Variants in MAF observed in about 807,000 individuals in gnomAD.
MAF encodes transcription factor Maf.
In MAF, 10 loss-of-function variants were observed where a neutral mutation model predicts 22.0. The observed-to-expected ratio is 0.45, with a 90% confidence interval of 0.28 to 0.77. The LOEUF is 0.77. Among genes scored for constraint, MAF ranks in the 30% least tolerant of loss-of-function variants. The probability of loss-of-function intolerance (pLI) is 0.12; values close to 1 mark genes in which losing one functional copy is unlikely to be tolerated. For synonymous variants in MAF, 337 were observed against 255.8 expected, an observed-to-expected ratio of 1.32 and a Z score of -3.03; for missense variants, 544 against 548.4, an observed-to-expected ratio of 0.99 and a Z score of 0.08.
chr16:79,576,698 T>A, the MAF span, among the ~76,000 whole-genome samples: 1 of 152,308 alleles, frequency 6.6e-6, no homozygotes, highest in Non-Finnish European at 1.5e-5. Flanking sequence ...TTGCAAGGTG[T>A]CAAGGTCAAA....
chr16:79,366,723 T>C, the MAF span, among the ~76,000 whole-genome samples: 3 of 152,352 alleles, frequency 2.0e-5, no homozygotes, highest in Non-Finnish European at 4.4e-5. Flanking sequence ...TCTCCATCAG[T>C]CTGGGTTCTG....
the MAF span, among the ~76,000 whole-genome samples, chr16:79,266,808 G>A: frequency 6.6e-6 from 1 of 152,300 alleles, no homozygotes; most frequent in African/African-American, 2.4e-5. Flanking sequence ...CACCGAACAT[G>A]ATCCTGCTGC....
the MAF span, among the ~76,000 whole-genome samples, chr16:79,455,177 C>T: frequency 6.6e-6 from 1 of 151,736 alleles, no homozygotes; most frequent in East Asian, 1.9e-4. Context: ...GTCAACTCAA[C>T]AACATTTCCT....
the MAF span, among the ~76,000 whole-genome samples, chr16:79,289,612 C>A: frequency 3.9e-5 from 6 of 152,120 alleles, no homozygotes; most frequent in Non-Finnish European, 8.8e-5. Context: ...TCAGACAAGA[C>A]CTTCCACTGT....
intron 1 of MAF, 35 bp downstream of exon 1, chr16:79,598,750 C>T: frequency 6.2e-7 from 1 of 1,613,508 alleles, no homozygotes; most frequent in Non-Finnish European, 8.5e-7. Context: ...GAGCACTTAT[C>T]AGGGTGGCTA....
At chr16:79,417,571 C>A in the MAF span, among the ~76,000 whole-genome samples, 1 of 152,060 alleles carries the variant, frequency 6.6e-6, no homozygotes, top group South Asian at 2.1e-4. Context: ...AGGGGACAGA[C>A]AACCGAAGGA....
At chr16:79,418,797 C>T in the MAF span, among the ~76,000 whole-genome samples, 4 of 152,092 alleles carry the variant, frequency 2.6e-5, no homozygotes, top group African/African-American at 9.7e-5. Context: ...TATCTCATAT[C>T]AGGAGCAAAT....
chr16:79,584,210 G>A (rs1912702593), downstream of MAF, among the ~76,000 whole-genome samples: 1 of 152,124 alleles, frequency 6.6e-6, no homozygotes, highest in African/African-American at 2.4e-5. Context: ...AGCTGTACAT[G>A]GTTGAAATTA....
the MAF span, among the ~76,000 whole-genome samples, chr16:79,527,620 G>A: frequency 6.6e-6 from 1 of 152,028 alleles, no homozygotes; most frequent in African/African-American, 2.4e-5. Context: ...CAATCATTAA[G>A]GTGATGATAC....
At chr16:79,217,105 C>A in the MAF span, among the ~76,000 whole-genome samples, 1 of 152,214 alleles carries the variant, frequency 6.6e-6, no homozygotes, top group African/African-American at 2.4e-5. Context: ...CCATCGCACC[C>A]GGTGTCATCT....
the MAF span, among the ~76,000 whole-genome samples, chr16:79,558,359 A>G: frequency 1.3e-5 from 2 of 152,200 alleles, no homozygotes; most frequent in African/African-American, 4.8e-5. Flanking sequence ...TGGTCCATCA[A>G]CCCACTGTCA....
the MAF span, among the ~76,000 whole-genome samples, chr16:79,568,856 G>C: frequency 6.6e-6 from 1 of 152,150 alleles, no homozygotes. Flanking sequence ...AGCACTTCTA[G>C]GGGCTTTACG....
chr16:79,364,165 G>A, the MAF span, among the ~76,000 whole-genome samples: 1 of 152,152 alleles, frequency 6.6e-6, no homozygotes, highest in Non-Finnish European at 1.5e-5. Context: ...TATACATCCT[G>A]TAGGAGGGAG....
the MAF span, among the ~76,000 whole-genome samples, chr16:79,452,935 G>T: frequency 6.6e-6 from 1 of 152,196 alleles, no homozygotes; most frequent in Non-Finnish European, 1.5e-5. Flanking sequence ...TGTTATATGA[G>T]CGAGGAATTA....
the MAF span, among the ~76,000 whole-genome samples, chr16:79,438,897 G>A: frequency 1.3e-5 from 2 of 152,114 alleles, no homozygotes; most frequent in African/African-American, 4.8e-5. Flanking sequence ...CCCTGGGACC[G>A]TCCAGGGAGG....
chr16:79,598,186 G>A lies in MAF; in HGVS notation c.1118+599C>T. On this transcript the variant is annotated intron_variant, in intron 1 of 1. Coordinates refer to ENST00000326043, the MANE Select transcript of MAF (RefSeq NM_005360.5). ...TTTGCTTTTTTTTTTCTTTCATCTC[G>A]GAAGAGATGGGTTGAGAAGGAGTGA... 4 of 1,049,374 alleles carry A rather than the reference G, an allele frequency of 3.8e-6. No individual in the cohort carries two copies. The South Asian group carries it at 1.4e-4, about 36-fold the overall frequency. The allele number at this position is 1,049,374 out of a possible 1,614,324, so 65.0% of individuals were successfully genotyped here. A position where few individuals can be genotyped will look rare whatever the true frequency, so the allele number is the denominator to read the frequency against.
chr16:79,488,928 T>G, the MAF span, among the ~76,000 whole-genome samples: 1 of 152,160 alleles, frequency 6.6e-6, no homozygotes. Flanking sequence ...CAGGATCATC[T>G]CTCCTTCCAG....
the MAF span, among the ~76,000 whole-genome samples, chr16:79,557,239 G>C: frequency 6.6e-6 from 1 of 151,988 alleles, no homozygotes; most frequent in Non-Finnish European, 1.5e-5. Flanking sequence ...AGCTAAGAAA[G>C]ACTTTCTTGC....
At chr16:79,248,168 CTT>C in the MAF span, among the ~76,000 whole-genome samples, 599 of 142,530 alleles carry the variant, frequency 4.2e-3, 8 homozygotes, top group Admixed American at 0.025. Flanking sequence ...ACTGGAATTA[CTT>C]TTTTTTTTTT....
Sources: allele counts gnomAD v4.1 joint callset (sites outside exome capture counted in the v4.1 genomes callset), GRCh38; gene constraint gnomAD v4.1.1; transcripts MANE v1.5; gene names NCBI Gene and HGNC (gene_info 2026-07-23, HGNC 2026-07-21).